LRRIQ1: variants seen among roughly 807,000 people sequenced by gnomAD.
LRRIQ1 encodes leucine-rich repeat- and IQ domain-containing protein 1.
A neutral mutation model predicts 211.9 loss-of-function variants in LRRIQ1; 210 were observed. That is an observed-to-expected ratio of 0.99 (90% CI 0.89 to 1.11). The LOEUF (loss-of-function observed/expected upper bound fraction) is 1.11, where lower values mean the gene tolerates loss of function less well. Among genes scored for constraint, LRRIQ1 ranks in the 50% most tolerant of loss-of-function variants. The pLI, the probability that LRRIQ1 is intolerant of heterozygous loss-of-function variation, is 0.00. For synonymous variants in LRRIQ1, 699 were observed against 650.1 expected, an observed-to-expected ratio of 1.08 and a Z score of -1.14; for missense variants, 2,136 against 1,939.5, an observed-to-expected ratio of 1.10 and a Z score of -1.90.
At chr12:85,196,027 C>T (rs1031715353) in intron 24 of LRRIQ1, among the ~76,000 whole-genome samples, 1 of 151,888 alleles carries the variant, frequency 6.6e-6, no homozygotes, top group African/African-American at 2.4e-5. Flanking sequence ...TCTTATACAC[C>T]AATAACAGAC....
intron 24 of LRRIQ1, among the ~76,000 whole-genome samples, chr12:85,168,967 T>G (rs1891281930): frequency 6.6e-6 from 1 of 152,160 alleles, no homozygotes; most frequent in Non-Finnish European, 1.5e-5. Context: ...AGGGTAAAAC[T>G]AACCTGTCTC....
At chr12:85,257,902 G>T (rs1896167431) in intron 1 of LRRIQ1, among the ~76,000 whole-genome samples, 1 of 151,626 alleles carries the variant, frequency 6.6e-6, no homozygotes, top group African/African-American at 2.4e-5. Flanking sequence ...CAGCCACATG[G>T]CATCTTTAAG....
intron 19 of LRRIQ1, among the ~76,000 whole-genome samples, chr12:85,140,570 A>T (rs1302205665): frequency 6.6e-6 from 1 of 151,082 alleles, no homozygotes; most frequent in Non-Finnish European, 1.5e-5. Flanking sequence ...TCCAGTTCTT[A>T]TACCTGTTAT....
chr12:85,144,903 C>T lies in LRRIQ1; in HGVS notation c.4329+6934C>T, dbSNP rs570523399. ...TTATTTTAAAATCATCTTAAAACTT[C>T]AGATGATGTAATTGAATTGTTTTGT... On this transcript the variant is annotated intron_variant, in intron 19 of 26. Coordinates refer to ENST00000393217, the MANE Select transcript of LRRIQ1 (RefSeq NM_001079910.2). Among the ~76,000 whole-genome samples the T allele has an allele frequency of 8.6e-5, 13 of 151,674 alleles. No individual in the cohort carries two copies. The East Asian group carries it at 2.5e-3, about 30-fold the overall frequency.
At chr12:85,095,041 A>C (rs1298508381) in intron 11 of LRRIQ1, among the ~76,000 whole-genome samples, 2 of 152,156 alleles carry the variant, frequency 1.3e-5, no homozygotes, top group African/African-American at 4.8e-5. Flanking sequence ...GATTTTCTAG[A>C]TGTAGAATCA....
intron 19 of LRRIQ1, among the ~76,000 whole-genome samples, chr12:85,140,426 AT>A (rs1470235972): frequency 6.6e-6 from 1 of 151,226 alleles, no homozygotes; most frequent in Non-Finnish European, 1.5e-5. Flanking sequence ...AATACAATTT[AT>A]TTTTGTATAT....
chr12:85,154,527 C>T (rs1402288173), intron 23 of LRRIQ1, among the ~76,000 whole-genome samples: 1 of 151,244 alleles, frequency 6.6e-6, no homozygotes, highest in East Asian at 1.9e-4. Context: ...AACTTAGAAT[C>T]TTGGAAAAGC....
chr12:85,065,755 G>A (rs1166227339), intron 9 of LRRIQ1, among the ~76,000 whole-genome samples: 1 of 151,828 alleles, frequency 6.6e-6, no homozygotes, highest in Non-Finnish European at 1.5e-5. Context: ...ACTTGGCTGG[G>A]CATTTTTTCT....
At chr12:85,152,191 C>T in intron 19 of LRRIQ1, 89 bp from the exon 20 acceptor site, 2 of 1,021,282 alleles carry the variant, frequency 2.0e-6, no homozygotes, top group Non-Finnish European at 2.8e-6. Flanking sequence ...TATACTTTGT[C>T]AACATTTGTA....
chr12:85,116,700 C>G (rs1409209375), intron 15 of LRRIQ1, among the ~76,000 whole-genome samples: 1 of 152,088 alleles, frequency 6.6e-6, no homozygotes, highest in Non-Finnish European at 1.5e-5. Context: ...GTTCCTCTCC[C>G]TCCTCCCACA....
In LRRIQ1 at chr12:85,165,181, A is replaced by G. The variant is rs919176374; in HGVS notation, c.4822+4467A>G. ...TTTTAGATTCAGGGGTAACATGGGC[A>G]GTTTTGTTAAATTGTGTATGATACT... On this transcript the variant is annotated intron_variant, in intron 24 of 26. Transcript: ENST00000393217. Among the ~76,000 whole-genome samples the G allele has an allele frequency of 8.5e-5, 13 of 152,236 alleles. No individual in the cohort carries two copies. The South Asian group carries it at 2.3e-3, about 27-fold the overall frequency.
At chr12:85,111,049 A>G (rs986658513) in intron 15 of LRRIQ1, among the ~76,000 whole-genome samples, 100 of 152,244 alleles carry the variant, frequency 6.6e-4, no homozygotes, top group African/African-American at 2.4e-3. Context: ...TAGGCTTCAT[A>G]AAAAATAACC....
At position 85,198,771 on chromosome 12, in the gene LRRIQ1, T is replaced by A. The variant is rs184005187; in HGVS notation, c.4823-30746T>A. On this transcript the variant is annotated intron_variant, in intron 24 of 26. Coordinates refer to ENST00000393217, the MANE Select transcript of LRRIQ1 (RefSeq NM_001079910.2). ...TTTTAGTAGAGACGGGGTTCCACCA[T>A]GTTAGCCAGAATGGTCTTGATTTGC... Among the ~76,000 whole-genome samples the A allele has an allele frequency of 7.9e-5, 12 of 152,232 alleles. No homozygotes were observed. In the East Asian group the frequency reaches 2.3e-3, roughly 29 times the overall value.
chr12:85,154,866 C>A (rs1470410632), intron 23 of LRRIQ1, among the ~76,000 whole-genome samples: 1 of 151,040 alleles, frequency 6.6e-6, no homozygotes, highest in Non-Finnish European at 1.5e-5. Context: ...CCAAAAAAGA[C>A]CAGTTACTCA....
chr12:85,173,585 C>T (rs762757568), intron 24 of LRRIQ1, among the ~76,000 whole-genome samples: 18 of 151,928 alleles, frequency 1.2e-4, no homozygotes, highest in Admixed American at 3.3e-4. Context: ...TCCCTGCTCA[C>T]TCAGAAAGCT....
intron 1 of LRRIQ1, among the ~76,000 whole-genome samples, chr12:85,256,204 CAT>C (rs1296212322): frequency 2.0e-5 from 3 of 151,642 alleles, no homozygotes; most frequent in Non-Finnish European, 3.0e-5. Flanking sequence ...ACTAGTTGTA[CAT>C]ATGTTAGCTA....
At chr12:85,181,393 A>C (rs1009495799) in intron 24 of LRRIQ1, among the ~76,000 whole-genome samples, 2 of 151,874 alleles carry the variant, frequency 1.3e-5, no homozygotes, top group Non-Finnish European at 2.9e-5. Context: ...AATTTTTAAC[A>C]ATTTTGAGGC....
chr12:85,077,937 G>A (rs1205716947), intron 11 of LRRIQ1, among the ~76,000 whole-genome samples: 11 of 150,792 alleles, frequency 7.3e-5, no homozygotes, highest in Non-Finnish European at 1.5e-4. Flanking sequence ...GTAGTAAGCC[G>A]AGATCACACC....
chr12:85,068,245 C>A (rs1882657511), intron 10 of LRRIQ1, among the ~76,000 whole-genome samples: 1 of 151,730 alleles, frequency 6.6e-6, no homozygotes, highest in African/African-American at 2.4e-5. Context: ...CCTTTTCAGT[C>A]CTATAATCAT....
Sources: gnomAD v4.1 joint callset for allele counts (sites outside exome capture counted in the v4.1 genomes callset) on GRCh38, gnomAD v4.1.1 for gene constraint, MANE v1.5 for transcripts, NCBI Gene and HGNC (gene_info 2026-07-23, HGNC 2026-07-21) for gene names.